SPATA6L: variants seen among roughly 807,000 people sequenced by gnomAD.
The protein encoded by SPATA6L is spermatogenesis associated 6-like protein.
SPATA6L carries 68 observed loss-of-function variants against 49.2 expected under a neutral mutation model. The ratio of observed to expected loss-of-function variants is 1.38; its 90% CI spans 1.14 to 1.69. The LOEUF (loss-of-function observed/expected upper bound fraction) is 1.69, where lower values mean the gene tolerates loss of function less well. Among genes scored for constraint, SPATA6L ranks in the 40% most tolerant of loss-of-function variants. The probability of loss-of-function intolerance (pLI) is 0.00; values close to 1 mark genes in which losing one functional copy is unlikely to be tolerated. For missense variants in SPATA6L, 668 were observed against 464.3 expected (o/e 1.44, Z -4.03); for synonymous variants, 198 against 165.7 (o/e 1.19, Z -1.50).
rs1564144466 is a variant in SPATA6L at position 4,610,286 on chromosome 9, GA to G, written c.996-4847del. 2.0e-5 allele frequency among the ~76,000 whole-genome samples: 3 copies of G among 148,356 alleles called. No homozygotes were observed. The South Asian group carries it at 6.6e-4, about 32-fold the overall frequency. ...ACCAATGACTTTCTTCACAGAATTG[GA>G]AAAAACTACTTTAAAGTTCATATGG... On this transcript the variant is annotated intron_variant, in intron 9 of 11. Coordinates refer to ENST00000682582, the MANE Select transcript of SPATA6L (RefSeq NM_001353486.2).
chr9:4,590,447 C>G (rs1362749714), intron 13 of SPATA6L, among the ~76,000 whole-genome samples: 1 of 152,202 alleles, frequency 6.6e-6, no homozygotes, highest in East Asian at 1.9e-4. Context: ...GAAGGTGTCT[C>G]TCCAGAATTA....
rs1224382932 is a variant in SPATA6L, at chr9:4,600,777, T to C, written c.*34A>G. The C allele has an allele frequency of 6.6e-6, 1 of 152,234 alleles. No individual in the cohort carries two copies. The highest frequency in any genetic ancestry group is 2.4e-5 in the African/African-American group (1 of 41,464). 9.4% of individuals were successfully genotyped at this position (152,234 alleles called of 1,614,324 possible). A position where few individuals can be genotyped will look rare whatever the true frequency, so the allele number is the denominator to read the frequency against. On this transcript the variant is annotated 3_prime_UTR_variant, in exon 12 of 12. Transcript: ENST00000682582. ...TCAATTGTCTCAGTGAGTGAGCTCT[T>C]CATGATTCTCCTTAAGCTTTCATTA...
chr9:4,606,928 T>C (rs867500333), intron 9 of SPATA6L, among the ~76,000 whole-genome samples: 5,275 of 129,676 alleles, frequency 0.041, 154 homozygotes, highest in East Asian at 0.12. Flanking sequence ...ACTAGAATAA[T>C]CAATACAGAG....
chr9:4,620,763 C>T (rs76760928), intron 7 of SPATA6L, among the ~76,000 whole-genome samples: 1 of 152,122 alleles, frequency 6.6e-6, no homozygotes, highest in Non-Finnish European at 1.5e-5. Context: ...AGACAAAGGC[C>T]GAGACCAGTG....
At chr9:4,609,024 G>A (rs1411989093) in intron 9 of SPATA6L, among the ~76,000 whole-genome samples, 5 of 151,076 alleles carry the variant, frequency 3.3e-5, no homozygotes, top group South Asian at 2.1e-4. Flanking sequence ...ACACCTCTAC[G>A]CAAATAAACT....
rs1202511763 is a variant in SPATA6L, at chr9:4,635,417, A to G, written c.227-18T>C. ...ATCCCACACTAGAAAGAAAATAGAA[A>G]AAGCATAAATATCTGTATTTACACC... On this transcript the variant is annotated intron_variant, in intron 3 of 11. Coordinates refer to ENST00000682582, the MANE Select transcript of SPATA6L (RefSeq NM_001353486.2). 8 of 1,572,306 alleles carry G rather than the reference A, an allele frequency of 5.1e-6. No individual in the cohort carries two copies. The highest frequency in any genetic ancestry group is 6.9e-6 in the Non-Finnish European group (8 of 1,167,450).
At chr9:4,656,912 A>T (rs1743124467) in intron 2 of SPATA6L, among the ~76,000 whole-genome samples, 1 of 150,860 alleles carries the variant, frequency 6.6e-6, no homozygotes, top group Admixed American at 6.6e-5. Context: ...GCGTAACACA[A>T]AACAAAAGCT....
intron 2 of SPATA6L, among the ~76,000 whole-genome samples, chr9:4,657,863 G>C (rs378809): frequency 0.59 from 88,920 of 151,732 alleles, 26,806 homozygotes; most frequent in East Asian, 0.77. Flanking sequence ...TTTGGTAAAT[G>C]ACTCTAGTTT....
At chr9:4,652,891 T>C (rs1403782118) in intron 3 of SPATA6L, among the ~76,000 whole-genome samples, 2 of 148,484 alleles carry the variant, frequency 1.3e-5, no homozygotes, top group Non-Finnish European at 3.0e-5. Context: ...CCTAAATGAA[T>C]GGAAACACAT....
chr9:4,657,648 G>C (rs1030420562), intron 2 of SPATA6L, among the ~76,000 whole-genome samples: 4 of 152,178 alleles, frequency 2.6e-5, no homozygotes. Flanking sequence ...GAGGTTCAGA[G>C]ACCTCCGCTG....
chr9:4,629,067 T>C, intron 5 of SPATA6L, 24 bp downstream of exon 5: 1 of 1,504,954 alleles, frequency 6.6e-7, no homozygotes, highest in Non-Finnish European at 9.1e-7. Flanking sequence ...GTCATTTCTA[T>C]CACTAGATTT....
downstream of SPATA6L, among the ~76,000 whole-genome samples, chr9:4,595,616 C>T (rs1166767451): frequency 6.6e-6 from 1 of 152,144 alleles, no homozygotes; most frequent in Non-Finnish European, 1.5e-5. Context: ...TCCCCAGTTG[C>T]CTCACTCTCC....
Position 4,662,351 on chromosome 9 carries a change from C to T in SPATA6L, c.40-315G>A, listed in dbSNP as rs914680464. The T allele has an allele frequency of 9.4e-6, 14 of 1,483,628 alleles. No individual in the cohort carries two copies. Among genetic ancestry groups the T allele is most frequent in the Non-Finnish European group, 1.2e-5 (13 of 1,124,564 alleles). The allele number at this position is 1,483,628 out of a possible 1,614,324, so 91.9% of individuals were successfully genotyped here. ...AAGCCTCTGTTTGGTCCGGCCAGGTCCCGGGATCCGGGCCGCCAGCTGCGA... is the reference window on the plus strand; with the variant it reads ...AAGCCTCTGTTTGGTCCGGCCAGGTTCCGGGATCCGGGCCGCCAGCTGCGA... On this transcript the variant is annotated intron_variant, in intron 1 of 11. Coordinates refer to ENST00000682582, the MANE Select transcript of SPATA6L (RefSeq NM_001353486.2). This position sits in a 1 kb window ranked among gnomAD's most constrained non-coding sequence, Gnocchi z 4.9.
chr9:4,661,771 G>A, intron 2 of SPATA6L, 128 bp downstream of exon 2: 2 of 1,299,592 alleles, frequency 1.5e-6, no homozygotes, highest in Middle Eastern at 2.2e-4. Flanking sequence ...TTTGCATTGT[G>A]CTGAAGTGCT....
intron 4 of SPATA6L, among the ~76,000 whole-genome samples, chr9:4,632,592 T>C (rs557979402): frequency 1.5e-5 from 2 of 130,256 alleles, no homozygotes; most frequent in Non-Finnish European, 3.0e-5. Flanking sequence ...CAAGACTCCA[T>C]CTCAAAAAAA....
chr9:4,625,613 G>C, intron 5 of SPATA6L, 47 bp from the exon 6 acceptor site: 1 of 1,356,290 alleles, frequency 7.4e-7, no homozygotes, highest in Non-Finnish European at 9.8e-7. Context: ...AGAAAGAAAA[G>C]AAGAAAATTC....
intron 2 of SPATA6L, 133 bp downstream of exon 2, chr9:4,661,766 A>AAGGCCGACTGCGG: frequency 7.2e-5 from 59 of 819,756 alleles, no homozygotes; most frequent in Non-Finnish European, 8.9e-5. Flanking sequence ...GCGGTTTTGC[A>AAGGCCGACTGCGG]TTGTGCTGAA....
chr9:4,600,222 C>T lies in SPATA6L; in HGVS notation c.*589G>A, dbSNP rs1032051330. 2.0e-5 allele frequency among the ~76,000 whole-genome samples: 3 copies of T among 152,162 alleles called. No homozygotes were observed. The highest frequency in any genetic ancestry group is 7.2e-5 in the African/African-American group (3 of 41,436). On this transcript the variant is annotated 3_prime_UTR_variant, in exon 12 of 12. Transcript: ENST00000682582. The stretch of plus-strand genomic sequence containing the variant: ...CTCCAGAGGAGCCAGCCTCCTCTTA[C>T]AAATTTATCACAGACATTCAACATC...
intron 5 of SPATA6L, chr9:4,628,121 A>AG (rs1830696951): frequency 4.2e-6 from 1 of 238,748 alleles, no homozygotes. Flanking sequence ...ATGAGAGCTG[A>AG]GGGGGAGTGG....
Sources: gnomAD v4.1 joint callset for allele counts (sites outside exome capture counted in the v4.1 genomes callset) on GRCh38, gnomAD v4.1.1 for gene constraint, Gnocchi (gnomAD v3.1) non-coding constraint, MANE v1.5 for transcripts, NCBI Gene and HGNC (gene_info 2026-07-23, HGNC 2026-07-21) for gene names.